Variants in GRTP1 observed in about 807,000 individuals in gnomAD.
GRTP1 encodes the protein growth hormone regulated TBC protein 1.
In GRTP1, 56 loss-of-function variants were observed where a neutral mutation model predicts 38.1. That is an observed-to-expected ratio of 1.47 (90% confidence interval 1.19 to 1.84). The LOEUF is 1.84. Ranked by LOEUF, GRTP1 falls within the 40% of genes most tolerant of loss-of-function variation. GRTP1 has a pLI of 0.00. For missense variants in GRTP1, 506 were observed against 453.9 expected (o/e 1.11, Z -1.04); for synonymous variants, 217 against 189.5 (o/e 1.14, Z -1.19).
intron 7 of GRTP1, chr13:113,325,376 G>A (rs944986827): frequency 1.1e-5 from 16 of 1,426,740 alleles, no homozygotes; most frequent in South Asian, 1.6e-5. Flanking sequence ...GCCGGGCCTC[G>A]GGAAGCCACA....
rs533227191 is a variant in GRTP1 at position 113,341,045 on chromosome 13, CT to C, written c.562+3817del. The stretch of plus-strand genomic sequence containing the variant: ...CTTTTCATTTCTACTATATCTTATC[CT>C]TTTTTTTTTTTCTTTCTGAGATAAG... On this transcript the variant is annotated intron_variant, in intron 5 of 7. Transcript: ENST00000375431. 7.9e-4 allele frequency among the ~76,000 whole-genome samples: 115 copies of C among 144,986 alleles called. 1 individual carries two copies. The highest frequency in any genetic ancestry group is 1.6e-3 in the East Asian group (8 of 4,970).
intron 2 of GRTP1, among the ~76,000 whole-genome samples, chr13:113,362,594 C>T (rs1236940931): frequency 6.6e-6 from 1 of 152,134 alleles, no homozygotes; most frequent in African/African-American, 2.4e-5. Context: ...GGTGATTGTG[C>T]CACTGCACTC....
chr13:113,345,064 CT>C, intron 4 of GRTP1, 105 bp from the exon 5 acceptor site: 1 of 1,290,530 alleles, frequency 7.7e-7, no homozygotes, highest in Non-Finnish European at 1.0e-6. Flanking sequence ...TCTCTTGCTT[CT>C]CCTTAAAACC....
rs955933286 is a variant in GRTP1 at position 113,342,349 on chromosome 13, C to CA, written c.562+2513dup. Among the ~76,000 whole-genome samples, 40 of 150,334 alleles carry CA rather than the reference C, an allele frequency of 2.7e-4. No homozygotes were observed. Among genetic ancestry groups the CA allele is most frequent in the Admixed American group, 2.5e-3 (38 of 15,062 alleles). On this transcript the variant is annotated intron_variant, in intron 5 of 7. Transcript: ENST00000375431. The surrounding 1 kb of genome is among the most constrained non-coding windows in gnomAD (Gnocchi z 4.5). ...TGAAACCCCATCTCTACTAAAAATA[C>CA]AAAAAAAAATTGGCCAGGCGTAGTG...
At chr13:113,351,183 C>T (rs2043259300) in intron 3 of GRTP1, among the ~76,000 whole-genome samples, 1 of 152,134 alleles carries the variant, frequency 6.6e-6, no homozygotes, top group Admixed American at 6.5e-5. Context: ...CGGAGAGGGG[C>T]CCTAACCGTC....
rs1267800726 is a variant in GRTP1, at chr13:113,326,032, C to T, written c.622G>A (p.Val208Met). 1.9e-6 allele frequency: 3 copies of T among 1,613,454 alleles called. No individual in the cohort carries two copies. The highest frequency in any genetic ancestry group is 2.5e-6 in the Non-Finnish European group (3 of 1,179,976). ...KTDQEVLGEL[V>M]RAKLPAVGAL... Reference sequence around the variant, plus strand: ...CCCACAGCCGGCAGCTTCGCCCGCACCAGCTCCCCGAGGACCTCCTGGTCG... The same window carrying T: ...CCCACAGCCGGCAGCTTCGCCCGCATCAGCTCCCCGAGGACCTCCTGGTCG... Residue 208 changes from valine (V) to methionine (M), a missense_variant, in exon 6 of 8, where the codon GTG becomes ATG. Physicochemically the swap from Val to Met is conservative, Grantham distance 21 (BLOSUM62 1). Coordinates refer to ENST00000375431, the MANE Select transcript of GRTP1 (RefSeq NM_024719.4).
In GRTP1 at chr13:113,343,070, C is replaced by T. The variant is rs1445704185; in HGVS notation, c.562+1793G>A. Among the ~76,000 whole-genome samples, 1 of 152,166 alleles carries T rather than the reference C, an allele frequency of 6.6e-6. No homozygotes were observed. Among genetic ancestry groups the T allele is most frequent in the East Asian group, 1.9e-4 (1 of 5,166 alleles). On this transcript the variant is annotated intron_variant, in intron 5 of 7. Coordinates refer to ENST00000375431, the MANE Select transcript of GRTP1 (RefSeq NM_024719.4). The surrounding 1 kb of genome is among the most constrained non-coding windows in gnomAD (Gnocchi z 4.8). ...CGATGTTTCCCACACCCCTGAACGGCGCCCAGAACACGATAGGTTTTCAAC... is the reference window on the plus strand; with the variant it reads ...CGATGTTTCCCACACCCCTGAACGGTGCCCAGAACACGATAGGTTTTCAAC...
intron 5 of GRTP1, among the ~76,000 whole-genome samples, chr13:113,333,824 TTATTTATTTATTTA>T (rs2042910664): frequency 9.2e-6 from 1 of 108,576 alleles, no homozygotes; most frequent in South Asian, 3.5e-4. Flanking sequence ...ATTTATTTAT[TTATTTATTTATTTA>T]GTGTGTGTGT....
chr13:113,326,124 C>T (rs1453288043), intron 5 of GRTP1, 33 bp from the exon 6 acceptor site: 2 of 1,598,804 alleles, frequency 1.3e-6, no homozygotes, highest in South Asian at 1.1e-5. Context: ...GACCCCGAGA[C>T]ACTCCCGTCA....
chr13:113,325,453 G>A, intron 7 of GRTP1: 1 of 1,447,864 alleles, frequency 6.9e-7, no homozygotes, highest in Non-Finnish European at 9.0e-7. Flanking sequence ...GCAGTGCCAG[G>A]GCCAAGAAGA....
At chr13:113,352,320 ATATTTTTATATATAT>A (rs1566437852) in intron 3 of GRTP1, among the ~76,000 whole-genome samples, 18 of 125,192 alleles carry the variant, frequency 1.4e-4, no homozygotes, top group Non-Finnish European at 2.4e-4. Context: ...TATTTTATAT[ATATTTTTATATATAT>A]TTTATATATA....
At chr13:113,359,294 C>T (rs1003191212) in intron 2 of GRTP1, among the ~76,000 whole-genome samples, 2 of 152,156 alleles carry the variant, frequency 1.3e-5, no homozygotes, top group Admixed American at 6.5e-5. Context: ...TGCCTAGCTG[C>T]GTGTTTGTCC....
chr13:113,350,332 C>G (rs1400303496), intron 4 of GRTP1, among the ~76,000 whole-genome samples: 1 of 152,110 alleles, frequency 6.6e-6, no homozygotes, highest in Non-Finnish European at 1.5e-5. Flanking sequence ...CACCACGGAG[C>G]CAGCCAGGGG....
chr13:113,327,869 C>T (rs1004670830), intron 5 of GRTP1, among the ~76,000 whole-genome samples: 3 of 152,202 alleles, frequency 2.0e-5, no homozygotes, highest in African/African-American at 7.2e-5. Flanking sequence ...AGCAGGGGGT[C>T]TGCAGAGACA....
intron 7 of GRTP1, chr13:113,325,403 C>G: frequency 3.5e-6 from 5 of 1,438,208 alleles, no homozygotes; most frequent in Non-Finnish European, 4.5e-6. Context: ...GCACCACACA[C>G]AGCAGATGAG....
In GRTP1 at chr13:113,324,326, T is replaced by C. The variant is rs760967026; in HGVS notation, c.*162A>G. 14 of 1,084,232 alleles carry C rather than the reference T, an allele frequency of 1.3e-5. No homozygotes were observed. The highest frequency in any genetic ancestry group is 1.6e-5 in the Non-Finnish European group (13 of 822,176). The allele number at this position is 1,084,232 out of a possible 1,614,324, so 67.2% of individuals were successfully genotyped here. A position where few individuals can be genotyped will look rare whatever the true frequency, so the allele number is the denominator to read the frequency against. ...AGCTAATCATCAAAAGCTGGTAGAA[T>C]GACCTGATTTTAAACTGCTCTTTTA... On this transcript the variant is annotated 3_prime_UTR_variant, in exon 8 of 8. Coordinates refer to ENST00000375431, the MANE Select transcript of GRTP1 (RefSeq NM_024719.4).
intron 5 of GRTP1, among the ~76,000 whole-genome samples, chr13:113,327,806 C>T (rs568296286): frequency 1.3e-5 from 2 of 152,328 alleles, no homozygotes; most frequent in South Asian, 2.1e-4. Flanking sequence ...CCTGGTTCTG[C>T]AGGTGGCCCC....
In GRTP1 at chr13:113,327,065, G is replaced by A. The variant is rs146287864; in HGVS notation, c.563-974C>T. Among the ~76,000 whole-genome samples the A allele has an allele frequency of 8.9e-3, 1,351 of 152,326 alleles. 10 individuals are homozygous for A. The highest frequency in any genetic ancestry group is 0.03 in the African/African-American group (1,264 of 41,570). On this transcript the variant is annotated intron_variant, in intron 5 of 7. Coordinates refer to ENST00000375431, the MANE Select transcript of GRTP1 (RefSeq NM_024719.4). ...TATTTTACCACAGTAGAAATAAAACGTACTCAGATAAATACTTCCAACAGC... is the reference window on the plus strand; with the variant it reads ...TATTTTACCACAGTAGAAATAAAACATACTCAGATAAATACTTCCAACAGC...
intron 2 of GRTP1, among the ~76,000 whole-genome samples, chr13:113,358,188 T>C (rs1017536205): frequency 5.9e-5 from 9 of 151,742 alleles, no homozygotes; most frequent in Non-Finnish European, 1.2e-4. Flanking sequence ...TCTCAAAAAA[T>C]AAATACATAA....
Sources: allele counts gnomAD v4.1 joint callset (sites outside exome capture counted in the v4.1 genomes callset), GRCh38; gene constraint gnomAD v4.1.1; non-coding constraint Gnocchi (gnomAD v3.1); transcripts MANE v1.5; gene names NCBI Gene and HGNC (gene_info 2026-07-23, HGNC 2026-07-21).